Variants in TXNDC16 observed in about 807,000 individuals in gnomAD.
TXNDC16 encodes the protein thioredoxin domain-containing protein 16.
Under a neutral mutation model 85.6 loss-of-function variants are expected in TXNDC16, and 74 were observed. The ratio of observed to expected loss-of-function variants is 0.86; its 90% CI spans 0.72 to 1.05. TXNDC16 has a LOEUF of 1.05. Ranked by LOEUF, TXNDC16 falls within the 50% of genes least tolerant of loss-of-function variation. The pLI is 0.00. For missense variants in TXNDC16, 959 were observed against 947.0 expected, an observed-to-expected ratio of 1.01 and a Z score of -0.17; for synonymous variants, 335 against 326.5, an observed-to-expected ratio of 1.03 and a Z score of -0.28.
chr14:52,529,614 C>A, intron 6 of TXNDC16, among the ~76,000 whole-genome samples: 2 of 84,436 alleles, frequency 2.4e-5, no homozygotes, highest in Non-Finnish European at 4.2e-5. Flanking sequence ...TATATAATGC[C>A]TATTATATAT....
chr14:52,511,149 C>A, intron 9 of TXNDC16, 91 bp downstream of exon 9: 1 of 1,198,756 alleles, frequency 8.3e-7, no homozygotes, highest in Non-Finnish European at 1.1e-6. Flanking sequence ...TAAATCAAAA[C>A]TTAACAAATT....
At chr14:52,493,107 C>T (rs1052021515) in intron 9 of TXNDC16, among the ~76,000 whole-genome samples, 4 of 150,876 alleles carry the variant, frequency 2.7e-5, no homozygotes, top group African/African-American at 9.8e-5. Context: ...GTGACCCTGT[C>T]TCTATTTTTT....
intron 9 of TXNDC16, among the ~76,000 whole-genome samples, chr14:52,493,831 T>C (rs1226903191): frequency 6.6e-6 from 1 of 151,824 alleles, no homozygotes; most frequent in Non-Finnish European, 1.5e-5. Context: ...CAGGCTGGAG[T>C]GCAGTGTCAG....
At chr14:52,497,768 C>G (rs1330138787) in intron 9 of TXNDC16, among the ~76,000 whole-genome samples, 1 of 151,506 alleles carries the variant, frequency 6.6e-6, no homozygotes, top group Non-Finnish European at 1.5e-5. Flanking sequence ...GTAATCCCAG[C>G]TACTCAGAAG....
intron 1 of TXNDC16, among the ~76,000 whole-genome samples, chr14:52,548,482 G>A (rs1290305662): frequency 6.6e-6 from 1 of 152,168 alleles, no homozygotes; most frequent in East Asian, 1.9e-4. Flanking sequence ...GGCAGACGCA[G>A]TTTGTCAATT....
At chr14:52,530,276 T>A (rs866839821) in intron 6 of TXNDC16, among the ~76,000 whole-genome samples, 28 of 39,822 alleles carry the variant, frequency 7.0e-4, no homozygotes, top group East Asian at 2.9e-3. Context: ...ATATTATTAT[T>A]TAATATATAA....
intron 6 of TXNDC16, among the ~76,000 whole-genome samples, chr14:52,532,315 A>C (rs2037599870): frequency 6.6e-6 from 1 of 152,144 alleles, no homozygotes; most frequent in Non-Finnish European, 1.5e-5. Context: ...ACAGTGTGAT[A>C]TAATTGCACC....
At chr14:52,433,578 A>G (rs1167544922) in intron 20 of TXNDC16, among the ~76,000 whole-genome samples, 1 of 152,184 alleles carries the variant, frequency 6.6e-6, no homozygotes, top group African/African-American at 2.4e-5. Flanking sequence ...AAACATATAT[A>G]TTGCAATTTC....
chr14:52,522,436 C>T (rs2037231774), intron 6 of TXNDC16, among the ~76,000 whole-genome samples: 1 of 152,170 alleles, frequency 6.6e-6, no homozygotes, highest in Non-Finnish European at 1.5e-5. Context: ...ACCTTGCTTT[C>T]CCAGGCTCCT....
chr14:52,530,319 AT>A (rs1566582130), intron 6 of TXNDC16, among the ~76,000 whole-genome samples: 1,699 of 47,954 alleles, frequency 0.035, 58 homozygotes, highest in East Asian at 0.087. Flanking sequence ...ATAATATATA[AT>A]TATTTTTATA....
At chr14:52,440,809 A>G (rs2035147641) in intron 18 of TXNDC16, 85 bp from the exon 19 acceptor site, 1 of 1,291,290 alleles carries the variant, frequency 7.7e-7, no homozygotes, top group African/African-American at 1.5e-5. Context: ...TCACTCAGTC[A>G]ATTTTAGTTT....
At chr14:52,536,147 G>A (rs1252976572) in intron 6 of TXNDC16, among the ~76,000 whole-genome samples, 6 of 152,104 alleles carry the variant, frequency 3.9e-5, no homozygotes, top group African/African-American at 1.4e-4. Flanking sequence ...GATGATATTA[G>A]GAGGTTATAA....
rs545699645 is a variant in TXNDC16 at position 52,431,456 on chromosome 14, T to C, written c.*848A>G. On this transcript the variant is annotated 3_prime_UTR_variant, in exon 21 of 21. Coordinates refer to ENST00000281741, the MANE Select transcript of TXNDC16 (RefSeq NM_020784.3). ...AAAAGATCAAGTTGTATCCAGGTAATAATCAGGATAAGACCATCTAATACA... is the reference window on the plus strand; with the variant it reads ...AAAAGATCAAGTTGTATCCAGGTAACAATCAGGATAAGACCATCTAATACA... The C allele has an allele frequency of 4.6e-5, 7 of 152,350 alleles. No homozygotes were observed. The highest frequency in any genetic ancestry group is 2.1e-4 in the South Asian group (1 of 4,826). The allele number at this position is 152,350 out of a possible 1,614,324, so 9.4% of individuals were successfully genotyped here.
Position 52,432,915 on chromosome 14 carries a change from A to AT in TXNDC16, c.2195-329_2195-328insA, listed in dbSNP as rs2034938902. 8.5e-5 allele frequency among the ~76,000 whole-genome samples: 13 copies of AT among 152,344 alleles called. No homozygotes were observed. In the South Asian group the frequency reaches 2.7e-3, roughly 32 times the overall value. ...TTCAAAAACAGCAATATGTGTAACA[A>AT]GATCACATACACATATGTAAAACGT... On this transcript the variant is annotated intron_variant, in intron 20 of 20. Transcript: ENST00000281741.
intron 6 of TXNDC16, 24 bp downstream of exon 6, chr14:52,536,695 T>C (rs2037708520): frequency 9.6e-6 from 15 of 1,565,982 alleles, no homozygotes; most frequent in Non-Finnish European, 1.3e-5. Flanking sequence ...AGTAAACAAA[T>C]GAATGTGTAG....
At position 52,488,421 on chromosome 14, in the gene TXNDC16, A is replaced by G; in HGVS notation, c.1050T>C (p.Asn350=). 1 of 1,613,166 alleles carries G rather than the reference A, an allele frequency of 6.2e-7. No homozygotes were observed. Among genetic ancestry groups the G allele is most frequent in the Non-Finnish European group, 8.5e-7 (1 of 1,179,282 alleles). ...CTTCTTGTATTTCCTCAATGTGCATATTATTTTCCACATGAGATATTATTA... is the reference window on the plus strand; with the variant it reads ...CTTCTTGTATTTCCTCAATGTGCATGTTATTTTCCACATGAGATATTATTA... ...VDLIISHVEN[N]MHIEEIQEDE... is the part of the protein sequence containing the mutation. The change falls in exon 12 of 21, where the codon AAT becomes AAC. Residue 350 remains asparagine, a synonymous_variant. Coordinates refer to ENST00000281741, the MANE Select transcript of TXNDC16 (RefSeq NM_020784.3).
chr14:52,467,277 A>T (rs1011181840), intron 16 of TXNDC16, among the ~76,000 whole-genome samples: 2 of 152,198 alleles, frequency 1.3e-5, no homozygotes, highest in Non-Finnish European at 2.9e-5. Flanking sequence ...AAAAACTTTT[A>T]AAAAAGGGAA....
Position 52,470,434 on chromosome 14 carries a change from A to G in TXNDC16, c.1481+78T>C, listed in dbSNP as rs1250911179. On this transcript the variant is annotated intron_variant, in intron 15 of 20. Transcript: ENST00000281741. Reference sequence around the variant, plus strand: ...CTAGTATCTTCCTTAACCTATTTTAAGTGTTAGCAAAGTCTGAGAATTAGA... The same window carrying G: ...CTAGTATCTTCCTTAACCTATTTTAGGTGTTAGCAAAGTCTGAGAATTAGA... 4.2e-6 allele frequency: 6 copies of G among 1,437,630 alleles called. No homozygotes were observed. In the African/African-American group the frequency reaches 8.6e-5, roughly 21 times the overall value. The allele number at this position is 1,437,630 out of a possible 1,614,324, so 89.1% of individuals were successfully genotyped here.
intron 6 of TXNDC16, among the ~76,000 whole-genome samples, chr14:52,525,728 A>ATAC (rs2037317777): frequency 7.0e-6 from 1 of 142,324 alleles, no homozygotes; most frequent in Non-Finnish European, 1.5e-5. Context: ...AATAATAATA[A>ATAC]TAATAATAAT....
Sources: allele counts gnomAD v4.1 joint callset (sites outside exome capture counted in the v4.1 genomes callset), GRCh38; gene constraint gnomAD v4.1.1; transcripts MANE v1.5; gene names NCBI Gene and HGNC (gene_info 2026-07-23, HGNC 2026-07-21).